MGAT5: variants seen among roughly 807,000 people sequenced by gnomAD.
MGAT5 encodes the protein alpha-1,6-mannosylglycoprotein 6-beta-N-acetylglucosaminyltransferase, also known as alpha-1,6-mannosylglycoprotein 6-beta-N-acetylglucosaminyltransferase A.
In MGAT5, 30 loss-of-function variants were observed where a neutral mutation model predicts 94.3. That is an observed-to-expected ratio of 0.32 (90% confidence interval 0.24 to 0.43). The LOEUF (loss-of-function observed/expected upper bound fraction) is 0.43, where lower values mean the gene tolerates loss of function less well. Among genes scored for constraint, MGAT5 ranks in the 20% least tolerant of loss-of-function variants. MGAT5 has a pLI of 1.00. For missense variants in MGAT5, 691 were observed against 905.5 expected, an observed-to-expected ratio of 0.76 and a Z score of 3.04; for synonymous variants, 310 against 322.9, an observed-to-expected ratio of 0.96 and a Z score of 0.43.
chr2:134,371,439 T>G (rs1353994896), intron 10 of MGAT5, among the ~76,000 whole-genome samples: 1 of 152,214 alleles, frequency 6.6e-6, no homozygotes, highest in Non-Finnish European at 1.5e-5. Flanking sequence ...CTTCAGTAGA[T>G]ACCCCAAATT....
intron 8 of MGAT5, among the ~76,000 whole-genome samples, chr2:134,347,139 A>G (rs1688966936): frequency 6.6e-6 from 1 of 152,202 alleles, no homozygotes; most frequent in African/African-American, 2.4e-5. Context: ...AAATAGTTGC[A>G]AAACACACAG....
At chr2:134,283,443 G>A (rs1427358464) in intron 2 of MGAT5, among the ~76,000 whole-genome samples, 4 of 152,074 alleles carry the variant, frequency 2.6e-5, no homozygotes, top group Admixed American at 2.0e-4. Context: ...TATGTTAGAG[G>A]CACCAAATGG....
intron 10 of MGAT5, among the ~76,000 whole-genome samples, chr2:134,393,084 C>T (rs939775757): frequency 2.0e-5 from 3 of 152,190 alleles, no homozygotes; most frequent in Non-Finnish European, 4.4e-5. Context: ...CATTTGTTTC[C>T]GTGAATACCC....
chr2:134,273,180 A>G (rs1684143717), intron 2 of MGAT5, among the ~76,000 whole-genome samples: 1 of 152,156 alleles, frequency 6.6e-6, no homozygotes, highest in Admixed American at 6.5e-5. Context: ...TTTTTAAAAA[A>G]CGATTTGCCA....
intron 4 of MGAT5, among the ~76,000 whole-genome samples, chr2:134,331,032 G>C (rs1186547031): frequency 6.6e-6 from 1 of 152,014 alleles, no homozygotes; most frequent in Non-Finnish European, 1.5e-5. Flanking sequence ...TCCAACTTGA[G>C]CTGTCTTATG....
intron 1 of MGAT5, among the ~76,000 whole-genome samples, chr2:134,136,268 T>TA (rs376379102): frequency 4.0e-5 from 6 of 150,216 alleles, no homozygotes; most frequent in Non-Finnish European, 5.9e-5. Context: ...ATTTACCAAT[T>TA]AAAAAAAAAA....
intron 1 of MGAT5, among the ~76,000 whole-genome samples, chr2:134,151,585 C>T (rs778929550): frequency 9.3e-4 from 126 of 135,746 alleles, no homozygotes; most frequent in African/African-American, 1.9e-3. Flanking sequence ...ACCTCACTCA[C>T]GCCCTATGGG....
chr2:134,370,580 C>T (rs1474793093), intron 10 of MGAT5, among the ~76,000 whole-genome samples: 1 of 152,266 alleles, frequency 6.6e-6, no homozygotes, highest in Non-Finnish European at 1.5e-5. Flanking sequence ...GGAGATGGCG[C>T]TTGCCAGAGG....
chr2:134,293,617 C>T (rs1481204901), intron 2 of MGAT5, among the ~76,000 whole-genome samples: 1 of 152,136 alleles, frequency 6.6e-6, no homozygotes, highest in Non-Finnish European at 1.5e-5. Context: ...TATAGGTATA[C>T]ACCACCATGC....
At chr2:134,363,632 T>C (rs1680241423) in intron 10 of MGAT5, among the ~76,000 whole-genome samples, 1 of 152,214 alleles carries the variant, frequency 6.6e-6, no homozygotes, top group Non-Finnish European at 1.5e-5. Flanking sequence ...AGGGATGCTG[T>C]ACATGTCCTA....
intron 12 of MGAT5, among the ~76,000 whole-genome samples, chr2:134,416,870 T>A (rs538813772): frequency 8.7e-4 from 132 of 151,640 alleles, no homozygotes; most frequent in African/African-American, 3.0e-3. Context: ...CCTCCCAAAG[T>A]GCTGGGATTA....
chr2:134,194,321 G>T (rs1196256881), intron 1 of MGAT5, among the ~76,000 whole-genome samples: 1 of 152,100 alleles, frequency 6.6e-6, no homozygotes, highest in Non-Finnish European at 1.5e-5. Context: ...TCTGCATTAG[G>T]TGGTGCAGGA....
At chr2:134,345,761 G>A (rs564483834) in intron 8 of MGAT5, among the ~76,000 whole-genome samples, 35 of 152,230 alleles carry the variant, frequency 2.3e-4, no homozygotes, top group African/African-American at 7.0e-4. Flanking sequence ...CTCTGTGTCC[G>A]ACACTACTTT....
intron 1 of MGAT5, among the ~76,000 whole-genome samples, chr2:134,137,356 C>T (rs1039798963): frequency 1.4e-4 from 21 of 152,318 alleles, no homozygotes; most frequent in African/African-American, 5.1e-4. Flanking sequence ...GCTTGCCACT[C>T]AGTGAGTCCA....
chr2:134,287,804 G>T (rs1685103196), intron 2 of MGAT5, among the ~76,000 whole-genome samples: 1 of 152,094 alleles, frequency 6.6e-6, no homozygotes, highest in South Asian at 2.1e-4. Context: ...TAACTGGAAG[G>T]CTCTAGTATA....
intron 13 of MGAT5, among the ~76,000 whole-genome samples, chr2:134,425,064 G>A (rs1446804821): frequency 4.6e-5 from 7 of 152,200 alleles, no homozygotes; most frequent in Admixed American, 1.3e-4. Flanking sequence ...GTTAATGCTT[G>A]TACTCTTGAG....
chr2:134,323,853 G>A (rs564257622), intron 4 of MGAT5, among the ~76,000 whole-genome samples: 9 of 152,188 alleles, frequency 5.9e-5, no homozygotes, highest in Non-Finnish European at 1.2e-4. Context: ...GATTCATTAG[G>A]CAGCCTTGTA....
At chr2:134,377,033 G>A (rs1018496223) in intron 10 of MGAT5, among the ~76,000 whole-genome samples, 1 of 152,164 alleles carries the variant, frequency 6.6e-6, no homozygotes, top group Non-Finnish European at 1.5e-5. Context: ...GTTGACACAG[G>A]GATCAGACAA....
chr2:134,241,692 A>G (rs890752920), intron 1 of MGAT5, among the ~76,000 whole-genome samples: 1 of 152,204 alleles, frequency 6.6e-6, no homozygotes, highest in Non-Finnish European at 1.5e-5. Flanking sequence ...TGACTTTAAT[A>G]TCCTATCTTT....
Sources: allele counts gnomAD v4.1 joint callset (sites outside exome capture counted in the v4.1 genomes callset), GRCh38; gene constraint gnomAD v4.1.1; transcripts MANE v1.5; gene names NCBI Gene and HGNC (gene_info 2026-07-23, HGNC 2026-07-21).